The following SCARA3 variants were observed in gnomAD, a reference collection of about 807,000 sequenced individuals.
SCARA3 encodes the protein scavenger receptor class A member 3, also known as cellular stress response gene protein.
Under a neutral mutation model 47.0 loss-of-function variants are expected in SCARA3, and 39 were observed. That is an observed-to-expected ratio of 0.83 (90% CI 0.64 to 1.08). SCARA3 has a LOEUF of 1.08. Among genes scored for constraint, SCARA3 ranks in the 50% least tolerant of loss-of-function variants. The pLI, the probability that SCARA3 is intolerant of heterozygous loss-of-function variation, is 0.00. For synonymous variants in SCARA3, 356 were observed against 334.1 expected, an observed-to-expected ratio of 1.07 and a Z score of -0.71; for missense variants, 724 against 792.3, an observed-to-expected ratio of 0.91 and a Z score of 1.04.
downstream of SCARA3, among the ~76,000 whole-genome samples, chr8:27,673,210 CAG>C (rs1293816651): frequency 6.6e-6 from 1 of 152,212 alleles, no homozygotes; most frequent in Non-Finnish European, 1.5e-5. Context: ...GGGAATTACT[CAG>C]AGAGAGCAGG....
intron 1 of SCARA3, among the ~76,000 whole-genome samples, chr8:27,644,052 C>T (rs910053937): frequency 3.9e-5 from 6 of 151,940 alleles, no homozygotes; most frequent in African/African-American, 1.2e-4. Flanking sequence ...AAACTTGCTA[C>T]GTGGCTCTGT....
At chr8:27,711,026 G>A in the SCARA3 span, among the ~76,000 whole-genome samples, 8 of 149,446 alleles carry the variant, frequency 5.4e-5, no homozygotes, top group African/African-American at 2.0e-4. Flanking sequence ...GGGTTCAAGC[G>A]ATTCTCCTGC....
chr8:27,686,740 G>A, the SCARA3 span, among the ~76,000 whole-genome samples: 1 of 152,066 alleles, frequency 6.6e-6, no homozygotes, highest in Non-Finnish European at 1.5e-5. Context: ...GTTAGTTTAC[G>A]AGTATCCACA....
intron 4 of SCARA3, among the ~76,000 whole-genome samples, chr8:27,658,213 C>T (rs965576785): frequency 6.6e-5 from 10 of 152,046 alleles, no homozygotes; most frequent in African/African-American, 2.4e-4. Context: ...TTCCTGGCCA[C>T]CTAAGAAAAA....
the SCARA3 span, among the ~76,000 whole-genome samples, chr8:27,707,205 G>A: frequency 1.3e-5 from 2 of 152,118 alleles, no homozygotes; most frequent in Non-Finnish European, 2.9e-5. Context: ...TGATTCTTTA[G>A]AGAAACTGAA....
At chr8:27,703,030 T>A in the SCARA3 span, 1 of 152,452 alleles carries the variant, frequency 6.6e-6, no homozygotes. Context: ...AGAGGCCAGC[T>A]GGCACCCACA....
the SCARA3 span, among the ~76,000 whole-genome samples, chr8:27,694,224 G>T: frequency 7.9e-5 from 12 of 152,118 alleles, no homozygotes; most frequent in Non-Finnish European, 1.8e-4. Flanking sequence ...CTTCATAGGG[G>T]AATAATGAGG....
the SCARA3 span, among the ~76,000 whole-genome samples, chr8:27,689,565 G>A: frequency 6.6e-6 from 1 of 152,122 alleles, no homozygotes. Context: ...CCCTCTCTTC[G>A]AAGACACAAG....
At chr8:27,692,153 C>A in the SCARA3 span, among the ~76,000 whole-genome samples, 1 of 152,130 alleles carries the variant, frequency 6.6e-6, no homozygotes, top group Non-Finnish European at 1.5e-5. Context: ...ATAGAACAGG[C>A]CATGTAAGGT....
intron 3 of SCARA3, among the ~76,000 whole-genome samples, chr8:27,655,397 C>T (rs1326420159): frequency 6.6e-6 from 1 of 152,180 alleles, no homozygotes; most frequent in African/African-American, 2.4e-5. Context: ...CATGCCCTCC[C>T]TCACTACCAG....
chr8:27,671,077 G>A lies in SCARA3; in HGVS notation c.1547G>A (p.Arg516Gln), dbSNP rs1402444792. 10 of 1,610,902 alleles carry A rather than the reference G, an allele frequency of 6.2e-6. No individual in the cohort carries two copies. The highest frequency in any genetic ancestry group is 3.4e-5 in the Admixed American group (2 of 59,488). ...GGAGAAAGGGGCCCTGTTGGCCCTC[G>A]AGGGTTCCCAGGCCTCAAAGGCTCA... ...PVGERGPVGPRGFPGLKGSKG... is the reference protein window; with the variant it reads ...PVGERGPVGPQGFPGLKGSKG... Residue 516 changes from arginine to glutamine, a missense_variant, in exon 6 of 6, where the codon CGA (arginine) becomes CAA (glutamine). Arg to Gln is a conservative substitution (Grantham distance 43). Coordinates refer to ENST00000301904, the MANE Select transcript of SCARA3 (RefSeq NM_016240.3).
chr8:27,649,150 C>T (rs765118605), intron 1 of SCARA3, among the ~76,000 whole-genome samples: 11 of 152,184 alleles, frequency 7.2e-5, no homozygotes, highest in Admixed American at 6.5e-5. Context: ...AGACCTGCTC[C>T]GCCCAAGGCC....
At chr8:27,706,957 T>A in the SCARA3 span, among the ~76,000 whole-genome samples, 2 of 152,064 alleles carry the variant, frequency 1.3e-5, no homozygotes, top group Non-Finnish European at 2.9e-5. Flanking sequence ...AAGCCACCTA[T>A]CTTCAGAATG....
chr8:27,691,037 C>T, the SCARA3 span, among the ~76,000 whole-genome samples: 1 of 152,222 alleles, frequency 6.6e-6, no homozygotes, highest in African/African-American at 2.4e-5. Flanking sequence ...TCCGTAAAAG[C>T]CTGGTAATAG....
the SCARA3 span, among the ~76,000 whole-genome samples, chr8:27,698,780 A>G: frequency 3.3e-5 from 5 of 152,200 alleles, no homozygotes; most frequent in Admixed American, 3.3e-4. Flanking sequence ...TATAAAATAT[A>G]TAGGAATGAA....
the SCARA3 span, among the ~76,000 whole-genome samples, chr8:27,717,479 A>C: frequency 6.6e-6 from 1 of 152,146 alleles, no homozygotes; most frequent in Non-Finnish European, 1.5e-5. Flanking sequence ...GAACTATATG[A>C]TTGTATTAAC....
chr8:27,733,008 T>C, the SCARA3 span, among the ~76,000 whole-genome samples: 1 of 152,188 alleles, frequency 6.6e-6, no homozygotes, highest in African/African-American at 2.4e-5. Context: ...GGCCAAAATT[T>C]CAGGCAGACC....
chr8:27,636,580 T>C (rs1429207509), intron 1 of SCARA3, among the ~76,000 whole-genome samples: 1 of 152,220 alleles, frequency 6.6e-6, no homozygotes, highest in Admixed American at 6.5e-5. Flanking sequence ...CAGGCTCTCC[T>C]TGTGCTGTGG....
chr8:27,666,144 G>A (rs530747460), intron 5 of SCARA3, among the ~76,000 whole-genome samples: 1 of 152,362 alleles, frequency 6.6e-6, no homozygotes, highest in East Asian at 1.9e-4. Context: ...AGTGAAGAGG[G>A]TTTGGTGGCC....
Sources: allele counts gnomAD v4.1 joint callset (sites outside exome capture counted in the v4.1 genomes callset), GRCh38; gene constraint gnomAD v4.1.1; transcripts MANE v1.5; gene names NCBI Gene and HGNC (gene_info 2026-07-23, HGNC 2026-07-21).